Variants in TMEM117 observed in about 807,000 individuals in gnomAD.
TMEM117 encodes the protein transmembrane protein 117.
A neutral mutation model predicts 52.4 loss-of-function variants in TMEM117; 27 were observed. The observed-to-expected ratio is 0.51, with a 90% CI of 0.38 to 0.71. The LOEUF (loss-of-function observed/expected upper bound fraction) is 0.71, where lower values mean the gene tolerates loss of function less well. Ranked by LOEUF, TMEM117 falls within the 30% of genes least tolerant of loss-of-function variation. The pLI, the probability that TMEM117 is intolerant of heterozygous loss-of-function variation, is 0.00. For synonymous variants in TMEM117, 215 were observed against 206.3 expected, an observed-to-expected ratio of 1.04 and a Z score of -0.36; for missense variants, 556 against 630.5, an observed-to-expected ratio of 0.88 and a Z score of 1.26.
At chr12:43,810,259 G>A in the TMEM117 span, among the ~76,000 whole-genome samples, 1 of 152,154 alleles carries the variant, frequency 6.6e-6, no homozygotes, top group South Asian at 2.1e-4. Context: ...CATGTCATGT[G>A]GGGTAGGATG....
At chr12:44,014,620 T>G (rs527782074) in intron 3 of TMEM117, among the ~76,000 whole-genome samples, 23 of 152,314 alleles carry the variant, frequency 1.5e-4, no homozygotes, top group Middle Eastern at 3.4e-3. Context: ...AAAAGATACG[T>G]TACACTACCC....
chr12:43,867,443 AC>A (rs1287547042), intron 2 of TMEM117, among the ~76,000 whole-genome samples: 2 of 152,240 alleles, frequency 1.3e-5, no homozygotes, highest in East Asian at 3.8e-4. Context: ...TACAGATGGG[AC>A]AAGGATAAAC....
chr12:44,332,046 A>G (rs1482053505), intron 6 of TMEM117, among the ~76,000 whole-genome samples: 1 of 152,092 alleles, frequency 6.6e-6, no homozygotes, highest in Non-Finnish European at 1.5e-5. Flanking sequence ...TCAATTTATC[A>G]CATATCTGAG....
chr12:44,154,681 GA>G lies in TMEM117; in HGVS notation c.510+11066del, dbSNP rs573997527. 8.5e-3 allele frequency among the ~76,000 whole-genome samples: 1,235 copies of G among 144,770 alleles called. 12 individuals carry two copies. Among genetic ancestry groups the G allele is most frequent in the African/African-American group, 0.03 (1,176 of 39,568 alleles). 95.0% of individuals were successfully genotyped at this position (144,770 alleles called of 152,430 possible). On this transcript the variant is annotated intron_variant, in intron 4 of 7. Transcript: ENST00000266534. The stretch of plus-strand genomic sequence containing the variant: ...TTTGGCAAATCTAAGTTGCAGGTTT[GA>G]AAAAAAAAGAAGGCATTTTATTTTA...
chr12:44,390,652 A>G (rs771392573), downstream of TMEM117, among the ~76,000 whole-genome samples: 34 of 152,212 alleles, frequency 2.2e-4, no homozygotes, highest in African/African-American at 7.2e-4. Flanking sequence ...ATGAAAATAT[A>G]TATTTAAATT....
chr12:44,180,736 T>C (rs1427424709), intron 4 of TMEM117, among the ~76,000 whole-genome samples: 1 of 152,146 alleles, frequency 6.6e-6, no homozygotes, highest in Non-Finnish European at 1.5e-5. Context: ...CCACATTTTC[T>C]TAATCCAGTC....
chr12:44,396,317 A>G, the TMEM117 span, among the ~76,000 whole-genome samples: 1 of 152,034 alleles, frequency 6.6e-6, no homozygotes, highest in African/African-American at 2.4e-5. Flanking sequence ...TCATCTTCCA[A>G]AATAAAATGT....
intron 4 of TMEM117, among the ~76,000 whole-genome samples, chr12:44,176,550 A>C (rs895564203): frequency 6.6e-6 from 1 of 152,194 alleles, no homozygotes; most frequent in East Asian, 1.9e-4. Context: ...GCTGTCAAAC[A>C]TAGTTGTGCC....
At chr12:44,078,920 T>C (rs1444603317) in intron 3 of TMEM117, among the ~76,000 whole-genome samples, 1 of 142,326 alleles carries the variant, frequency 7.0e-6, no homozygotes, top group Admixed American at 7.2e-5. Flanking sequence ...TGTCCATGTA[T>C]TCTCATTGTT....
intron 4 of TMEM117, among the ~76,000 whole-genome samples, chr12:44,182,188 T>A (rs948121845): frequency 1.1e-4 from 17 of 152,316 alleles, no homozygotes; most frequent in African/African-American, 4.1e-4. Context: ...TGCTTGTGAT[T>A]TTTGTACCTT....
At chr12:44,108,258 G>T (rs948758672) in intron 3 of TMEM117, among the ~76,000 whole-genome samples, 2 of 149,008 alleles carry the variant, frequency 1.3e-5, no homozygotes, top group Non-Finnish European at 3.0e-5. Context: ...ACATTGTGCA[G>T]GTTAGTTACA....
chr12:44,060,020 A>C (rs1947114303), intron 3 of TMEM117, among the ~76,000 whole-genome samples: 2 of 152,236 alleles, frequency 1.3e-5, no homozygotes, highest in African/African-American at 2.4e-5. Context: ...TTTGGAACAA[A>C]AAATGAGAAA....
chr12:44,119,685 G>A (rs528025436), intron 3 of TMEM117, among the ~76,000 whole-genome samples: 4 of 152,092 alleles, frequency 2.6e-5, no homozygotes, highest in Non-Finnish European at 5.9e-5. Context: ...AGGAGCTTTA[G>A]CCATGTCAGT....
intron 3 of TMEM117, among the ~76,000 whole-genome samples, chr12:43,948,823 CA>C (rs1945175288): frequency 6.6e-6 from 1 of 151,872 alleles, no homozygotes; most frequent in African/African-American, 2.4e-5. Context: ...TGAGTTTACC[CA>C]AAGGTCAGGA....
At chr12:44,286,812 A>G (rs776664290) in intron 5 of TMEM117, among the ~76,000 whole-genome samples, 1 of 152,214 alleles carries the variant, frequency 6.6e-6, no homozygotes, top group Non-Finnish European at 1.5e-5. Context: ...CCAACAAATG[A>G]TATCAAGATG....
intron 3 of TMEM117, among the ~76,000 whole-genome samples, chr12:43,984,811 A>C (rs1234843848): frequency 3.3e-5 from 5 of 152,314 alleles, no homozygotes; most frequent in Middle Eastern, 3.4e-3. Flanking sequence ...TCAGTCATGC[A>C]AAATGGAACG....
intron 2 of TMEM117, among the ~76,000 whole-genome samples, chr12:43,873,236 T>C (rs994739635): frequency 1.3e-5 from 2 of 152,174 alleles, no homozygotes; most frequent in African/African-American, 4.8e-5. Flanking sequence ...AGTTTAAATA[T>C]GAAAGTCTCA....
intron 6 of TMEM117, among the ~76,000 whole-genome samples, chr12:44,358,149 G>C (rs905346164): frequency 6.6e-6 from 1 of 151,986 alleles, no homozygotes; most frequent in Admixed American, 6.6e-5. Flanking sequence ...AGCAACAAAA[G>C]ACACTGTGGA....
At chr12:44,267,807 T>C (rs1249500013) in intron 5 of TMEM117, among the ~76,000 whole-genome samples, 1 of 152,186 alleles carries the variant, frequency 6.6e-6, no homozygotes, top group Non-Finnish European at 1.5e-5. Context: ...TAAGCCTGAA[T>C]ACCTTAAAAA....
Sources: allele counts gnomAD v4.1 joint callset (sites outside exome capture counted in the v4.1 genomes callset), GRCh38; gene constraint gnomAD v4.1.1; transcripts MANE v1.5; gene names NCBI Gene and HGNC (gene_info 2026-07-23, HGNC 2026-07-21).